MARK1: variants seen among roughly 807,000 people sequenced by gnomAD.
MARK1 encodes serine/threonine-protein kinase MARK1.
Under a neutral mutation model 96.3 loss-of-function variants are expected in MARK1, and 40 were observed. The observed-to-expected ratio is 0.42, with a 90% CI of 0.32 to 0.54. The LOEUF (loss-of-function observed/expected upper bound fraction) is 0.54. MARK1 is among the 20% of genes least tolerant of loss of function. The pLI is 0.16. For synonymous variants in MARK1, 317 were observed against 341.2 expected (o/e 0.93, Z 0.78); for missense variants, 719 against 984.6 (o/e 0.73, Z 3.61).
intron 6 of MARK1, among the ~76,000 whole-genome samples, chr1:220,610,234 G>T (rs981657183): frequency 2.0e-5 from 3 of 152,136 alleles, no homozygotes; most frequent in African/African-American, 2.4e-5. Context: ...ATTTCTTGGA[G>T]GCTTTGTTCA....
intron 1 of MARK1, among the ~76,000 whole-genome samples, chr1:220,574,325 T>G (rs776167095): frequency 2.0e-5 from 3 of 152,258 alleles, no homozygotes; most frequent in Non-Finnish European, 4.4e-5. Flanking sequence ...AATGTGTTCC[T>G]TAGAGGTTGT....
chr1:220,616,147 A>G (rs1220813251), intron 7 of MARK1, 152 bp downstream of exon 7: 5 of 393,092 alleles, frequency 1.3e-5, no homozygotes, highest in Non-Finnish European at 1.8e-5. Flanking sequence ...AACTTTATGA[A>G]AGGTAATATT....
chr1:220,613,406 G>A (rs1047911409), intron 6 of MARK1, among the ~76,000 whole-genome samples: 68 of 152,300 alleles, frequency 4.5e-4, no homozygotes, highest in African/African-American at 1.6e-3. Flanking sequence ...CTCAGGAAAT[G>A]TTTGATTCCA....
chr1:220,547,082 T>C (rs961189400), intron 1 of MARK1, among the ~76,000 whole-genome samples: 16 of 152,228 alleles, frequency 1.1e-4, no homozygotes, highest in Non-Finnish European at 2.1e-4. Context: ...TAACCTTTCT[T>C]TCTTATGGCT....
intron 11 of MARK1, among the ~76,000 whole-genome samples, chr1:220,634,960 A>T (rs1485836756): frequency 6.6e-6 from 1 of 152,182 alleles, no homozygotes; most frequent in African/African-American, 2.4e-5. Flanking sequence ...AATCTCAGTG[A>T]TGCCCCTTAA....
intron 1 of MARK1, among the ~76,000 whole-genome samples, chr1:220,547,967 C>G (rs985248493): frequency 6.6e-6 from 1 of 152,236 alleles, no homozygotes; most frequent in African/African-American, 2.4e-5. Flanking sequence ...AACAGTGATA[C>G]CTGCACTTTG....
chr1:220,643,411 C>A (rs571557786), intron 13 of MARK1, among the ~76,000 whole-genome samples: 1 of 151,994 alleles, frequency 6.6e-6, no homozygotes, highest in Non-Finnish European at 1.5e-5. Context: ...AATGAATGAA[C>A]GAAACCTCCA....
At chr1:220,656,946 T>A (rs1669209906) in intron 16 of MARK1, among the ~76,000 whole-genome samples, 1 of 152,184 alleles carries the variant, frequency 6.6e-6, no homozygotes, top group South Asian at 2.1e-4. Flanking sequence ...ACCACTGATT[T>A]TATTCTTATT....
intron 13 of MARK1, among the ~76,000 whole-genome samples, chr1:220,648,064 TAAAA>T (rs57318455): frequency 7.3e-5 from 10 of 137,842 alleles, no homozygotes; most frequent in African/African-American, 2.1e-4. Flanking sequence ...ATTTAAAAAT[TAAAA>T]AAAAAAAAGA....
At position 220,631,147 on chromosome 1, in the gene MARK1, A is replaced by G. The variant is rs762598869; in HGVS notation, c.1009+13A>G. The stretch of plus-strand genomic sequence containing the variant: ...ACAAAAAGAATAGGTAAGTATTTAA[A>G]CATGGTAAGAAGTGCTGTCCCTAGG... On this transcript the variant is annotated intron_variant, in intron 10 of 17. Transcript: ENST00000366917. The G allele has an allele frequency of 6.3e-6, 10 of 1,582,460 alleles. No individual in the cohort carries two copies. The highest frequency in any genetic ancestry group is 1.7e-5 in the Admixed American group (1 of 59,784).
intron 6 of MARK1, among the ~76,000 whole-genome samples, chr1:220,607,158 G>A (rs1042470498): frequency 6.6e-6 from 1 of 152,140 alleles, no homozygotes; most frequent in Non-Finnish European, 1.5e-5. Context: ...CCGTGAGCAT[G>A]GAATATTCTT....
At chr1:220,529,101 C>G (rs1472551337) in intron 1 of MARK1, among the ~76,000 whole-genome samples, 1 of 152,206 alleles carries the variant, frequency 6.6e-6, no homozygotes, top group Non-Finnish European at 1.5e-5. Context: ...AAGTGGCGCC[C>G]TCTCGCTCGG....
At chr1:220,644,850 G>A (rs1295327010) in intron 13 of MARK1, among the ~76,000 whole-genome samples, 1 of 152,114 alleles carries the variant, frequency 6.6e-6, no homozygotes, top group Non-Finnish European at 1.5e-5. Context: ...TGAAATTAAG[G>A]CAGAAATCAA....
chr1:220,540,293 G>A (rs1661040900), intron 1 of MARK1, among the ~76,000 whole-genome samples: 1 of 152,184 alleles, frequency 6.6e-6, no homozygotes. Context: ...AGAACCAGTA[G>A]CTCTAATGCC....
chr1:220,647,505 A>G (rs1361396392), intron 13 of MARK1, among the ~76,000 whole-genome samples: 1 of 152,200 alleles, frequency 6.6e-6, no homozygotes, highest in African/African-American at 2.4e-5. Flanking sequence ...AAGATTTAGA[A>G]CTGGAAATAT....
chr1:220,583,933 T>G (rs1233607937), intron 3 of MARK1, among the ~76,000 whole-genome samples: 5 of 151,670 alleles, frequency 3.3e-5, no homozygotes, highest in Non-Finnish European at 5.9e-5. Context: ...CCCAAAGTGT[T>G]GGGATTACAG....
chr1:220,568,412 C>G (rs1291269169), intron 1 of MARK1, among the ~76,000 whole-genome samples: 1 of 152,030 alleles, frequency 6.6e-6, no homozygotes, highest in Admixed American at 6.6e-5. Flanking sequence ...GCCAGACATT[C>G]CTGAAGAATG....
intron 13 of MARK1, among the ~76,000 whole-genome samples, chr1:220,642,310 G>T (rs772524143): frequency 2.6e-5 from 4 of 152,210 alleles, no homozygotes; most frequent in Non-Finnish European, 4.4e-5. Context: ...GTGTTAGGGA[G>T]GCTGCATGGT....
At chr1:220,559,537 C>T (rs1662519032) in intron 1 of MARK1, among the ~76,000 whole-genome samples, 1 of 152,228 alleles carries the variant, frequency 6.6e-6, no homozygotes, top group East Asian at 1.9e-4. Flanking sequence ...TTTCTCTTTA[C>T]CATGAGATAC....
Sources: allele counts gnomAD v4.1 joint callset (sites outside exome capture counted in the v4.1 genomes callset), GRCh38; gene constraint gnomAD v4.1.1; transcripts MANE v1.5; gene names NCBI Gene and HGNC (gene_info 2026-07-23, HGNC 2026-07-21).